Variants in PLEKHG5 observed in about 807,000 individuals in gnomAD.
PLEKHG5 encodes the protein pleckstrin homology domain-containing family G member 5.
Under a neutral mutation model 103.8 loss-of-function variants are expected in PLEKHG5, and 52 were observed. The observed-to-expected ratio is 0.50, with a 90% CI of 0.40 to 0.63. PLEKHG5 has a LOEUF of 0.63. PLEKHG5 is among the 30% of genes least tolerant of loss of function. The pLI is 0.00. For missense variants in PLEKHG5, 1,205 were observed against 1,347.6 expected, an observed-to-expected ratio of 0.89 and a Z score of 1.66; for synonymous variants, 592 against 575.5, an observed-to-expected ratio of 1.03 and a Z score of -0.41.
rs77777178 is a variant in PLEKHG5, at chr1:6,474,988, A to G, written c.302+59T>C. ...ACACCTGCAGAGACCCGGAGCCTGC[A>G]ACATGGGGCCACCCCTACTCCCAGT... On this transcript the variant is annotated intron_variant, in intron 5 of 20. Transcript: ENST00000377728. 92,973 of 1,045,504 alleles carry G rather than the reference A, an allele frequency of 0.089. 5,923 individuals carry two copies. The highest frequency in any genetic ancestry group is 0.29 in the African/African-American group (18,846 of 63,926). The allele number at this position is 1,045,504 out of a possible 1,614,324, so 64.8% of individuals were successfully genotyped here.
Position 6,490,429 on chromosome 1 carries a change from C to T in PLEKHG5, c.-88+1208G>A, listed in dbSNP as rs933724745. 49 of 985,002 alleles carry T rather than the reference C, an allele frequency of 5.0e-5. No individual in the cohort carries two copies. Among genetic ancestry groups the T allele is most frequent in the Non-Finnish European group, 5.8e-5 (48 of 829,692 alleles). 61.0% of individuals were successfully genotyped at this position (985,002 alleles called of 1,614,324 possible). ...CCCCCCGTCCGGAGCGCAGCTCCCA[C>T]TTCCCCGCGACTCACCTAGGAACAG... On this transcript the variant is annotated intron_variant, in intron 1 of 20. Coordinates refer to ENST00000377728, the MANE Select transcript of PLEKHG5 (RefSeq NM_020631.6). This position sits in a 1 kb window ranked among gnomAD's most constrained non-coding sequence, Gnocchi z 8.0.
chr1:6,469,144 T>C lies in PLEKHG5; in HGVS notation c.2147A>G (p.Glu716Gly). 1 of 1,612,488 alleles carries C rather than the reference T, an allele frequency of 6.2e-7. No homozygotes were observed. Among genetic ancestry groups the C allele is most frequent in the Middle Eastern group, 1.7e-4 (1 of 6,054 alleles). Residue 716 changes from glutamate (E) to glycine (G), a missense_variant, in exon 19 of 21, where the codon GAG (glutamate) becomes GGG (glycine). Coordinates refer to ENST00000377728, the MANE Select transcript of PLEKHG5 (RefSeq NM_020631.6). ...EEEDEQEEEE[E>G]EEEEEEEGED... ...GCCTTCCTCCTCCTCCTCCTCCTCC[T>C]CCTCTTCCTCCTCCTGCTCATCCTC...
At position 6,475,497 on chromosome 1, in the gene PLEKHG5, G is replaced by C. The variant is rs1644740666; in HGVS notation, c.175C>G (p.Leu59Val). Residue 59 changes from leucine (L) to valine (V), a missense_variant, in exon 4 of 21, where the codon CTC (leucine) becomes GTC (valine). Coordinates refer to ENST00000377728, the MANE Select transcript of PLEKHG5 (RefSeq NM_020631.6). ...KGDRKSTGLK[L>V]SKKKARRRHT... ...CTCCTCCTTGCTTTCTTCTTGGAGAGTTTCAGGCCTGTGCTCTTCCGGTCC... is the reference window on the plus strand; with the variant it reads ...CTCCTCCTTGCTTTCTTCTTGGAGACTTTCAGGCCTGTGCTCTTCCGGTCC... 6.2e-7 allele frequency: 1 copy of C among 1,613,604 alleles called. No individual in the cohort carries two copies.
chr1:6,471,426 G>A lies in PLEKHG5; in HGVS notation c.1281+62C>T, dbSNP rs1256228077. 4 of 1,550,244 alleles carry A rather than the reference G, an allele frequency of 2.6e-6. No individual in the cohort carries two copies. The African/African-American group carries it at 5.4e-5, about 21-fold the overall frequency. On this transcript the variant is annotated intron_variant, in intron 12 of 20. Coordinates refer to ENST00000377728, the MANE Select transcript of PLEKHG5 (RefSeq NM_020631.6). ...GCTGGGCAGACCGGATCGGGCCGTG[G>A]AGGCTTTTCGGCGCCCCAGCCCTGC...
intron 16 of PLEKHG5, 42 bp from the exon 17 acceptor site, chr1:6,469,718 G>T: frequency 6.2e-7 from 1 of 1,604,190 alleles, no homozygotes; most frequent in East Asian, 2.2e-5. Flanking sequence ...GGCCAGCAGG[G>T]TCAGGGCCAG....
At chr1:6,477,169 T>A (rs1644784376) in intron 2 of PLEKHG5, among the ~76,000 whole-genome samples, 1 of 152,204 alleles carries the variant, frequency 6.6e-6, no homozygotes, top group African/African-American at 2.4e-5. Flanking sequence ...CTGCCTCTGC[T>A]AGGCCCACAG....
intron 1 of PLEKHG5, chr1:6,485,977 A>AAC (rs1645027478): frequency 1.3e-6 from 1 of 751,666 alleles, no homozygotes; most frequent in African/African-American, 2.1e-5. Context: ...CGCTGGTGAC[A>AAC]CCCCCCCCCA....
intron 7 of PLEKHG5, 147 bp downstream of exon 7, chr1:6,473,866 C>T: frequency 6.1e-6 from 5 of 818,308 alleles, no homozygotes; most frequent in Non-Finnish European, 9.5e-6. Flanking sequence ...CCCCTACTCT[C>T]CCAGCCAACC....
At chr1:6,485,365 G>T in intron 1 of PLEKHG5, 1 of 1,421,778 alleles carries the variant, frequency 7.0e-7, no homozygotes, top group Non-Finnish European at 9.1e-7. Context: ...GCCCAGGAGG[G>T]CTCCGAGTCC....
chr1:6,497,077 G>C, upstream of PLEKHG5: 1 of 1,489,128 alleles, frequency 6.7e-7, no homozygotes, highest in Non-Finnish European at 8.9e-7. The surrounding 1 kb of genome is among the most constrained non-coding windows in gnomAD (Gnocchi z 6.1). Flanking sequence ...CTCTTCCTGG[G>C]GGCTGGAGTG....
chr1:6,516,920 A>ACC (rs756554864), intron 1 of PLEKHG5, among the ~76,000 whole-genome samples: 102,974 of 138,794 alleles, frequency 0.74, 41,399 homozygotes, highest in Non-Finnish European at 0.87. Context: ...ACACACACAC[A>ACC]CACACATGTA....
intron 1 of PLEKHG5, among the ~76,000 whole-genome samples, chr1:6,513,094 C>T (rs527707463): frequency 5.9e-5 from 9 of 152,370 alleles, no homozygotes; most frequent in East Asian, 1.9e-4. Flanking sequence ...CTCTCACTGA[C>T]GCCTGGATCC....
chr1:6,500,971 G>A (rs375248494), upstream of PLEKHG5, among the ~76,000 whole-genome samples: 3 of 152,212 alleles, frequency 2.0e-5, no homozygotes, highest in African/African-American at 7.2e-5. Context: ...CTCGGGGCGC[G>A]GGCAGAACGG....
Position 6,505,044 on chromosome 1 carries a change from T to A in PLEKHG5, c.-164-8475A>T, listed in dbSNP as rs1638273639. On this transcript the variant is annotated intron_variant, in intron 1 of 21. Coordinates refer to the PLEKHG5 transcript ENST00000377740. This position sits in a 1 kb window ranked among gnomAD's most constrained non-coding sequence, Gnocchi z 4.2. ...CAGGACAGGCTCCTGCTCCCTGGGC[T>A]TGTGGCCTGGGGGAGGCCAGCTCCT... Among the ~76,000 whole-genome samples, 1 of 152,134 alleles carries A rather than the reference T, an allele frequency of 6.6e-6. No individual in the cohort carries two copies. The highest frequency in any genetic ancestry group is 1.5e-5 in the Non-Finnish European group (1 of 68,018).
Position 6,468,306 on chromosome 1 carries a change from G to A in PLEKHG5, c.2530C>T (p.Pro844Ser). Residue 844 changes from proline to serine, a missense_variant, in exon 20 of 21, where the codon CCA becomes TCA. Coordinates refer to ENST00000377728, the MANE Select transcript of PLEKHG5 (RefSeq NM_020631.6). ...GPMAELVPRA[P>S]ESPRVPSPPP... ...GGGGAAGGAACTCGTGGGGACTCTGGGGCCCGAGGCACTAGCTCTGCCATT... is the reference window on the plus strand; with the variant it reads ...GGGGAAGGAACTCGTGGGGACTCTGAGGCCCGAGGCACTAGCTCTGCCATT... The A allele has an allele frequency of 2.5e-6, 4 of 1,609,660 alleles. No individual in the cohort carries two copies. The highest frequency in any genetic ancestry group is 3.4e-6 in the Non-Finnish European group (4 of 1,178,478).
upstream of PLEKHG5, among the ~76,000 whole-genome samples, chr1:6,497,732 T>G (rs1645249778): frequency 6.6e-6 from 1 of 152,198 alleles, no homozygotes; most frequent in Non-Finnish European, 1.5e-5. The surrounding 1 kb of genome is among the most constrained non-coding windows in gnomAD (Gnocchi z 6.1). Context: ...AATCGCTGTC[T>G]CCGAGGTCAG....
chr1:6,470,843 G>A lies in PLEKHG5; in HGVS notation c.1434C>T (p.Ser478=), dbSNP rs1261946448. 6.3e-7 allele frequency: 1 copy of A among 1,577,358 alleles called. No individual in the cohort carries two copies. Among genetic ancestry groups the A allele is most frequent in the African/African-American group, 1.3e-5 (1 of 74,442 alleles). ...KHPQCQRLKL[S]DMLAKPHQRL... ...GCTGGTGGGGTTTGGCCAGCATGTC[G>A]CTCAGCTTCAGCCTCTGGCACTGTG... Residue 478 remains serine (S), a synonymous_variant, in exon 14 of 21, where the codon AGC becomes AGT. Coordinates refer to ENST00000377728, the MANE Select transcript of PLEKHG5 (RefSeq NM_020631.6).
rs1337127354 is a variant in PLEKHG5 at position 6,475,136 on chromosome 1, G to A, written c.213C>T (p.Asp71=). 6.3e-7 allele frequency: 1 copy of A among 1,587,854 alleles called. No individual in the cohort carries two copies. Among genetic ancestry groups the A allele is most frequent in the South Asian group, 1.1e-5 (1 of 90,538 alleles). The change falls in exon 5 of 21, where the codon GAC becomes GAT. Residue 71 remains aspartate, a splice_region_variant and synonymous_variant. Transcript: ENST00000377728. The stretch of plus-strand genomic sequence containing the variant: ...TCAGAGTGAAGCATTCCTTGCTTGG[G>A]TCCTGGGAGGATGGTGGGGGTGGGG... ...KKKARRRHTD[D]PSKECFTLKF... is the part of the protein sequence containing the mutation.
exon 1 of PLEKHG5, chr1:6,519,496 T>A (rs921548675): frequency 6.2e-7 from 1 of 1,613,894 alleles, no homozygotes; most frequent in Non-Finnish European, 8.5e-7. Context: ...CCATGTTTTG[T>A]CAGGACTGAA....
Sources: gnomAD v4.1 joint callset for allele counts (sites outside exome capture counted in the v4.1 genomes callset) on GRCh38, gnomAD v4.1.1 for gene constraint, Gnocchi (gnomAD v3.1) non-coding constraint, MANE v1.5 for transcripts, NCBI Gene and HGNC (gene_info 2026-07-23, HGNC 2026-07-21) for gene names.